Variants in NMNAT3 observed in about 807,000 individuals in gnomAD.
NMNAT3 encodes the protein nicotinamide nucleotide adenylyltransferase 3, also known as nicotinamide/nicotinic acid mononucleotide adenylyltransferase 3.
A neutral mutation model predicts 24.8 loss-of-function variants in NMNAT3; 21 were observed. That is an observed-to-expected ratio of 0.85 (90% CI 0.60 to 1.22). The LOEUF (loss-of-function observed/expected upper bound fraction) is 1.22, where lower values mean the gene tolerates loss of function less well. NMNAT3 is among the 50% of genes most tolerant of loss of function. The probability of loss-of-function intolerance (pLI) is 0.00; values close to 1 mark genes in which losing one functional copy is unlikely to be tolerated. For missense variants in NMNAT3, 387 were observed against 436.6 expected, an observed-to-expected ratio of 0.89 and a Z score of 1.01; for synonymous variants, 136 against 155.2, an observed-to-expected ratio of 0.88 and a Z score of 0.92.
At position 139,600,075 on chromosome 3, in the gene NMNAT3, G is replaced by T. The variant is rs548599643; in HGVS notation, c.110-16867C>A. 2.3e-3 allele frequency among the ~76,000 whole-genome samples: 345 copies of T among 152,252 alleles called. 1 individual carries two copies. The highest frequency in any genetic ancestry group is 3.5e-3 in the Admixed American group (54 of 15,292). ...TGGCTTCAATTTCTCTTACTTCTTT[G>T]TGTGTGAAGAGTCTTCCTTTCAATC... is the stretch of plus-strand genomic sequence containing the variant. On this transcript the variant is annotated intron_variant, in intron 3 of 6. Transcript: ENST00000643695.
rs548417663 is a variant in NMNAT3 at position 139,607,097 on chromosome 3, A to C, written c.109+20519T>G. On this transcript the variant is annotated intron_variant, in intron 3 of 6. Transcript: ENST00000643695. ...CTGTACTCATTGCTACTGGGGTTTC[A>C]TGGTTTCTAGGCCCTCTTAGAAGGC... 5.3e-5 allele frequency among the ~76,000 whole-genome samples: 8 copies of C among 152,094 alleles called. No homozygotes were observed. In the South Asian group the frequency reaches 1.7e-3, roughly 32 times the overall value.
chr3:139,634,879 T>C (rs1670745347), intron 2 of NMNAT3: 1 of 152,250 alleles, frequency 6.6e-6, no homozygotes, highest in African/African-American at 2.4e-5. Flanking sequence ...GGCTAGGCAC[T>C]GTGCTAAAAA....
intron 1 of NMNAT3, among the ~76,000 whole-genome samples, chr3:139,657,840 G>A (rs1390846623): frequency 6.6e-6 from 1 of 151,254 alleles, no homozygotes; most frequent in Non-Finnish European, 1.5e-5. Flanking sequence ...GGTGGGTGTG[G>A]TGTGGTGGTG....
intron 3 of NMNAT3, among the ~76,000 whole-genome samples, chr3:139,593,527 C>T (rs1358613227): frequency 2.0e-5 from 3 of 152,126 alleles, no homozygotes; most frequent in African/African-American, 7.2e-5. Flanking sequence ...AGCACCACAC[C>T]CCACCTATTC....
chr3:139,564,469 C>G (rs1936875114), intron 6 of NMNAT3, among the ~76,000 whole-genome samples: 1 of 152,196 alleles, frequency 6.6e-6, no homozygotes, highest in South Asian at 2.1e-4. Context: ...TTCCATCAGC[C>G]ATGGGTGGGC....
At chr3:139,657,944 C>A (rs984458381) in intron 1 of NMNAT3, among the ~76,000 whole-genome samples, 2 of 151,834 alleles carry the variant, frequency 1.3e-5, no homozygotes, top group African/African-American at 4.8e-5. Context: ...TCCTACCAGG[C>A]CTGAGAATGC....
Position 139,573,635 on chromosome 3 carries a change from G to T in NMNAT3, c.621C>A (p.Gly207=), listed in dbSNP as rs750129381. 35 of 1,606,180 alleles carry T rather than the reference G, an allele frequency of 2.2e-5. No individual in the cohort carries two copies. The highest frequency in any genetic ancestry group is 2.9e-5 in the Non-Finnish European group (34 of 1,176,894). Residue 207 remains glycine (G), a synonymous_variant, in exon 6 of 7, where the codon GGC becomes GGA. Coordinates refer to ENST00000643695, the MANE Select transcript of NMNAT3 (RefSeq NM_001320510.2). ...AGAAGAGTGCCTTGCCATGGTCTGGGCCTTCCATCTGGGGTGGAGATCTGA... is the reference window on the plus strand; with the variant it reads ...AGAAGAGTGCCTTGCCATGGTCTGGTCCTTCCATCTGGGGTGGAGATCTGA...
chr3:139,669,015 G>A (rs7631422), intron 1 of NMNAT3, among the ~76,000 whole-genome samples: 15,203 of 152,136 alleles, frequency 0.1, 1,249 homozygotes, highest in African/African-American at 0.23. Flanking sequence ...AACTTGCTAC[G>A]TGATTTACAA....
chr3:139,673,121 C>T (rs1165390391), intron 1 of NMNAT3, among the ~76,000 whole-genome samples: 3 of 152,082 alleles, frequency 2.0e-5, no homozygotes, highest in Non-Finnish European at 4.4e-5. Context: ...CTGGTGTGCC[C>T]AGGAGTATCA....
At chr3:139,660,153 C>G (rs560072656) in intron 1 of NMNAT3, among the ~76,000 whole-genome samples, 1 of 152,318 alleles carries the variant, frequency 6.6e-6, no homozygotes, top group East Asian at 1.9e-4. Flanking sequence ...GGAAGCCCCT[C>G]TCCTCCTGAG....
rs1427066869 is a variant in NMNAT3, at chr3:139,560,963, C to T, written c.*47G>A. Reference sequence around the variant, plus strand: ...AACAGAAACCTTAACAGCCCTCTCCCCAGCAGGAGCTTGTTGGAGGAGGTG... The same window carrying T: ...AACAGAAACCTTAACAGCCCTCTCCTCAGCAGGAGCTTGTTGGAGGAGGTG... On this transcript the variant is annotated 3_prime_UTR_variant, in exon 7 of 7. Transcript: ENST00000643695. 1.2e-5 allele frequency: 19 copies of T among 1,570,574 alleles called. No homozygotes were observed. The highest frequency in any genetic ancestry group is 1.4e-5 in the Non-Finnish European group (16 of 1,156,520).
At chr3:139,586,292 G>A (rs2053936702) in intron 3 of NMNAT3, among the ~76,000 whole-genome samples, 1 of 152,170 alleles carries the variant, frequency 6.6e-6, no homozygotes, top group African/African-American at 2.4e-5. Flanking sequence ...ATACCTGGGT[G>A]ATGAAATAAT....
At chr3:139,674,492 CTTTA>C (rs1362632300) in intron 1 of NMNAT3, among the ~76,000 whole-genome samples, 1 of 152,184 alleles carries the variant, frequency 6.6e-6, no homozygotes, top group Non-Finnish European at 1.5e-5. Context: ...GGACGAGCCA[CTTTA>C]TTTAAGAGCT....
intron 1 of NMNAT3, among the ~76,000 whole-genome samples, chr3:139,638,949 C>T (rs907318316): frequency 6.6e-6 from 1 of 152,206 alleles, no homozygotes; most frequent in African/African-American, 2.4e-5. Flanking sequence ...AACTGCCTTT[C>T]ATCCTGTCCT....
At chr3:139,573,877 C>T (rs1938858373) in intron 5 of NMNAT3, among the ~76,000 whole-genome samples, 197 bp from the exon 6 acceptor site, 1 of 152,144 alleles carries the variant, frequency 6.6e-6, no homozygotes, top group Admixed American at 6.5e-5. Context: ...CATGGAGAGT[C>T]CTGTCCAAGA....
chr3:139,594,959 C>T (rs2054378376), intron 3 of NMNAT3, among the ~76,000 whole-genome samples: 1 of 152,174 alleles, frequency 6.6e-6, no homozygotes, highest in African/African-American at 2.4e-5. Context: ...AAGTTCTGGC[C>T]AGGGCAATTA....
intron 3 of NMNAT3, among the ~76,000 whole-genome samples, chr3:139,618,742 C>G (rs970975413): frequency 1.3e-5 from 2 of 152,154 alleles, no homozygotes; most frequent in African/African-American, 2.4e-5. Context: ...AATAAAGGCA[C>G]TGTTTAAATT....
At chr3:139,563,882 CATA>C (rs1936796397) in intron 6 of NMNAT3, among the ~76,000 whole-genome samples, 1 of 152,164 alleles carries the variant, frequency 6.6e-6, no homozygotes, top group Admixed American at 6.5e-5. Flanking sequence ...GATACAGATA[CATA>C]AACAAATGGG....
chr3:139,654,898 A>T (rs1576757544), intron 1 of NMNAT3, among the ~76,000 whole-genome samples: 1 of 152,202 alleles, frequency 6.6e-6, no homozygotes, highest in African/African-American at 2.4e-5. Flanking sequence ...TTAGATGCTC[A>T]CCTGCCTGTG....
Sources: allele counts gnomAD v4.1 joint callset (sites outside exome capture counted in the v4.1 genomes callset), GRCh38; gene constraint gnomAD v4.1.1; transcripts MANE v1.5; gene names NCBI Gene and HGNC (gene_info 2026-07-23, HGNC 2026-07-21).